The following ERG variants were observed in gnomAD, a reference collection of about 807,000 sequenced individuals.
The protein encoded by ERG is transcriptional regulator ERG.
In ERG, 9 loss-of-function variants were observed where a neutral mutation model predicts 55.3. The ratio of observed to expected loss-of-function variants is 0.16; its 90% CI spans 0.10 to 0.28. The LOEUF is 0.28. Ranked by LOEUF, ERG falls within the 10% of genes least tolerant of loss-of-function variation. The pLI, the probability that ERG is intolerant of heterozygous loss-of-function variation, is 1.00. For missense variants in ERG, 434 were observed against 631.6 expected, an observed-to-expected ratio of 0.69 and a Z score of 3.35; for synonymous variants, 223 against 237.3, an observed-to-expected ratio of 0.94 and a Z score of 0.55.
chr21:38,569,234 C>A (rs1448800676), intron 2 of ERG, among the ~76,000 whole-genome samples: 1 of 152,196 alleles, frequency 6.6e-6, no homozygotes, highest in East Asian at 1.9e-4. Context: ...AATAAACGAG[C>A]CCAAGTCAGA....
At position 38,381,953 on chromosome 21, in the gene ERG, C is replaced by T; in HGVS notation, c.*1450G>A. ...ACAAAGTAAATTATAACACAAAATC[C>T]ACAACATTCAGCACATGTTTTCATT... is the stretch of plus-strand genomic sequence containing the variant. On this transcript the variant is annotated 3_prime_UTR_variant, in exon 10 of 10. Transcript: ENST00000288319. 3 of 1,062,680 alleles carry T rather than the reference C, an allele frequency of 2.8e-6. No individual in the cohort carries two copies. The South Asian group carries it at 1.4e-4, about 48-fold the overall frequency. The allele number at this position is 1,062,680 out of a possible 1,614,324, so 65.8% of individuals were successfully genotyped here. A position where few individuals can be genotyped will look rare whatever the true frequency, so the allele number is the denominator to read the frequency against.
intron 1 of ERG, among the ~76,000 whole-genome samples, chr21:38,448,308 A>G (rs188056689): frequency 2.0e-5 from 3 of 152,342 alleles, no homozygotes; most frequent in Admixed American, 2.0e-4. Flanking sequence ...AATTCTTCTC[A>G]CAGCTAATAT....
At chr21:38,610,831 C>T (rs1334685668) in intron 1 of ERG, among the ~76,000 whole-genome samples, 2 of 152,186 alleles carry the variant, frequency 1.3e-5, no homozygotes, top group Non-Finnish European at 2.9e-5. Flanking sequence ...ACACACAATG[C>T]AAGGAACTGC....
chr21:38,643,874 G>A (rs960405884), intron 1 of ERG, among the ~76,000 whole-genome samples: 2 of 152,222 alleles, frequency 1.3e-5, no homozygotes, highest in Non-Finnish European at 2.9e-5. Flanking sequence ...GGCTGGCCAC[G>A]TGGGGCAGGA....
chr21:38,436,087 T>A (rs1252586011), intron 2 of ERG, among the ~76,000 whole-genome samples: 3 of 150,126 alleles, frequency 2.0e-5, no homozygotes, highest in Non-Finnish European at 4.4e-5. Context: ...TGGCGCGATC[T>A]CAGCTCACTG....
At chr21:38,638,654 G>A (rs192183170) in intron 1 of ERG, among the ~76,000 whole-genome samples, 214 of 152,310 alleles carry the variant, frequency 1.4e-3, no homozygotes, top group Non-Finnish European at 2.2e-3. Context: ...AGAGGATGGG[G>A]GGAGTCAGTA....
intron 2 of ERG, 127 bp downstream of exon 2, chr21:38,445,277 G>A: frequency 7.0e-6 from 5 of 717,272 alleles, no homozygotes; most frequent in Non-Finnish European, 1.2e-5. Context: ...GAGTAGCTGG[G>A]ATTACAGGCA....
intron 3 of ERG, among the ~76,000 whole-genome samples, chr21:38,411,450 A>G (rs1345551072): frequency 6.6e-6 from 1 of 152,092 alleles, no homozygotes; most frequent in Non-Finnish European, 1.5e-5. Context: ...GTGGGATTAC[A>G]GGCACCCACC....
chr21:38,572,992 C>A (rs1218275562), intron 2 of ERG, among the ~76,000 whole-genome samples: 2 of 152,200 alleles, frequency 1.3e-5, no homozygotes, highest in East Asian at 3.8e-4. Flanking sequence ...TAGCTTTGCC[C>A]CAACCACTTT....
chr21:38,459,174 C>T (rs141114625), intron 1 of ERG, among the ~76,000 whole-genome samples: 13 of 152,286 alleles, frequency 8.5e-5, no homozygotes, highest in South Asian at 2.1e-4. Context: ...ATGGCCTCAG[C>T]GCTGCCAGGA....
intron 1 of ERG, among the ~76,000 whole-genome samples, chr21:38,458,267 T>C (rs1383249356): frequency 6.6e-6 from 1 of 151,830 alleles, no homozygotes; most frequent in Admixed American, 6.6e-5. Context: ...CTACTAAAAA[T>C]ACAAATATTA....
Position 38,445,575 on chromosome 21 carries a change from G to T in ERG, c.65C>A (p.Ala22Asp). 1 of 1,614,062 alleles carries T rather than the reference G, an allele frequency of 6.2e-7. No individual in the cohort carries two copies. The highest frequency in any genetic ancestry group is 8.5e-7 in the Non-Finnish European group (1 of 1,180,004). ...CTTAGCCAGGTGTGGCGTTCCGTAG[G>T]CACACTCAAACAACGACTGGTCCTC... ...VSEDQSLFECAYGTPHLAKTE... is the reference protein window; with the variant it reads ...VSEDQSLFECDYGTPHLAKTE... The change falls in exon 2 of 10, where the codon GCC becomes GAC. Residue 22 changes from alanine (A) to aspartate (D), a missense_variant. Coordinates refer to ENST00000288319, the MANE Select transcript of ERG (RefSeq NM_182918.4).
chr21:38,522,511 A>G (rs975164290), intron 2 of ERG, among the ~76,000 whole-genome samples: 2 of 152,224 alleles, frequency 1.3e-5, no homozygotes, highest in African/African-American at 4.8e-5. Context: ...GTTATAATCA[A>G]TAAAAGCTAT....
intron 1 of ERG, among the ~76,000 whole-genome samples, chr21:38,592,471 C>T (rs992368813): frequency 6.6e-6 from 1 of 152,146 alleles, no homozygotes; most frequent in Non-Finnish European, 1.5e-5. Flanking sequence ...GGAAAAGTGG[C>T]AGGCTTGAGT....
At chr21:38,560,255 TC>T (rs972718003) in intron 2 of ERG, among the ~76,000 whole-genome samples, 2 of 152,158 alleles carry the variant, frequency 1.3e-5, no homozygotes, top group African/African-American at 4.8e-5. Flanking sequence ...ACCAGCTACA[TC>T]CCTTTCCTGC....
At chr21:38,480,393 C>T (rs999238162) in intron 1 of ERG, among the ~76,000 whole-genome samples, 1 of 152,088 alleles carries the variant, frequency 6.6e-6, no homozygotes. Flanking sequence ...CATCCTTCCT[C>T]ACAGCCTCCA....
chr21:38,471,833 T>C (rs1254152757), intron 1 of ERG: 1 of 152,216 alleles, frequency 6.6e-6, no homozygotes, highest in Non-Finnish European at 1.5e-5. Flanking sequence ...GTGAAAATAC[T>C]AGTATCCAAC....
chr21:38,480,530 TA>T (rs11286032), intron 1 of ERG, among the ~76,000 whole-genome samples: 113,713 of 148,538 alleles, frequency 0.77, 43,805 homozygotes, highest in East Asian at 0.9. Context: ...GAGAAACTGG[TA>T]ACAGTACTTG....
chr21:38,422,138 G>C (rs1050114108), intron 3 of ERG, among the ~76,000 whole-genome samples: 5 of 152,252 alleles, frequency 3.3e-5, no homozygotes, highest in African/African-American at 1.2e-4. Context: ...ATTCCAGACG[G>C]AAGTGCTCAG....
Sources: allele counts gnomAD v4.1 joint callset (sites outside exome capture counted in the v4.1 genomes callset), GRCh38; gene constraint gnomAD v4.1.1; transcripts MANE v1.5; gene names NCBI Gene and HGNC (gene_info 2026-07-23, HGNC 2026-07-21).